HDAC9: variants seen among roughly 807,000 people sequenced by gnomAD.
HDAC9 encodes MEF-2 interacting transcription repressor (MITR) protein.
Under a neutral mutation model 139.4 loss-of-function variants are expected in HDAC9, and 41 were observed. The ratio of observed to expected loss-of-function variants is 0.29; its 90% CI spans 0.23 to 0.38. The LOEUF is 0.38. Ranked by LOEUF, HDAC9 falls within the 10% of genes least tolerant of loss-of-function variation. HDAC9 has a pLI of 1.00. For missense variants in HDAC9, 1,147 were observed against 1,297.0 expected (o/e 0.88, Z 1.78); for synonymous variants, 517 against 476.2 (o/e 1.09, Z -1.12).
At chr7:18,514,141 G>A (rs1320066645) in intron 2 of HDAC9, among the ~76,000 whole-genome samples, 2 of 152,160 alleles carry the variant, frequency 1.3e-5, no homozygotes, top group Admixed American at 6.5e-5. Flanking sequence ...TTTCTGTGGT[G>A]TGTATATGCG....
chr7:18,651,422 T>C (rs1487210461), intron 11 of HDAC9, among the ~76,000 whole-genome samples: 2 of 152,134 alleles, frequency 1.3e-5, no homozygotes, highest in Non-Finnish European at 2.9e-5. Flanking sequence ...TTTTGAGGAA[T>C]TTAGAGAAAC....
intron 1 of HDAC9, among the ~76,000 whole-genome samples, chr7:18,111,572 A>G (rs2128083617): frequency 6.6e-6 from 1 of 152,344 alleles, no homozygotes; most frequent in South Asian, 2.1e-4. Context: ...CATACTGTAT[A>G]CTTTAAATCG....
At chr7:18,382,617 G>A (rs1785539529) in intron 1 of HDAC9, among the ~76,000 whole-genome samples, 1 of 152,172 alleles carries the variant, frequency 6.6e-6, no homozygotes, top group Admixed American at 6.5e-5. Context: ...AAATGAACAA[G>A]AAAATTTCAG....
chr7:18,778,925 G>T (rs193025787), intron 16 of HDAC9, among the ~76,000 whole-genome samples: 2 of 152,220 alleles, frequency 1.3e-5, no homozygotes, highest in Admixed American at 1.3e-4. Context: ...GAGATGGTTT[G>T]TGGTAGAGCA....
In HDAC9 at chr7:18,758,848, G is replaced by A. The variant is rs189866751; in HGVS notation, c.2044-3309G>A. Reference sequence around the variant, plus strand: ...CTGCTCTCTTTCTGTAGAAACATGTGCACTATGTTTGTGGGCTGTTCTCTA... The same window carrying A: ...CTGCTCTCTTTCTGTAGAAACATGTACACTATGTTTGTGGGCTGTTCTCTA... On this transcript the variant is annotated intron_variant, in intron 14 of 25. Transcript: ENST00000686413. Among the ~76,000 whole-genome samples, 114 of 150,876 alleles carry A rather than the reference G, an allele frequency of 7.6e-4. 2 individuals carry two copies. Among genetic ancestry groups the A allele is most frequent in the Admixed American group, 3.5e-3 (53 of 15,116 alleles).
chr7:18,728,130 A>C (rs1019408770), intron 13 of HDAC9, among the ~76,000 whole-genome samples: 5 of 152,104 alleles, frequency 3.3e-5, no homozygotes, highest in African/African-American at 1.2e-4. Context: ...TCCAAAGAGT[A>C]CCCTTTAACC....
chr7:18,743,170 G>C (rs1475256662), intron 13 of HDAC9, among the ~76,000 whole-genome samples: 1 of 151,586 alleles, frequency 6.6e-6, no homozygotes, highest in East Asian at 1.9e-4. Context: ...TTCACTTTTT[G>C]CCAACTTACA....
At chr7:18,348,971 G>A (rs186703757) in intron 1 of HDAC9, among the ~76,000 whole-genome samples, 85 of 152,130 alleles carry the variant, frequency 5.6e-4, no homozygotes, top group Non-Finnish European at 1.0e-3. Flanking sequence ...ATGCTGTGAA[G>A]AACAGAAATT....
intron 1 of HDAC9, among the ~76,000 whole-genome samples, chr7:18,372,078 G>A (rs772403619): frequency 2.0e-5 from 3 of 152,190 alleles, no homozygotes; most frequent in Non-Finnish European, 2.9e-5. Context: ...CATGGAAGCT[G>A]AATGAGCTCA....
intron 13 of HDAC9, among the ~76,000 whole-genome samples, chr7:18,746,989 A>G (rs1584964265): frequency 6.6e-6 from 1 of 152,304 alleles, no homozygotes; most frequent in Middle Eastern, 3.4e-3. Context: ...TTGAAGAGTG[A>G]AAAAAGATTA....
intron 2 of HDAC9, among the ~76,000 whole-genome samples, chr7:18,532,041 G>A (rs1412379580): frequency 6.6e-6 from 1 of 152,162 alleles, no homozygotes. Context: ...CTGAGGTCAG[G>A]AGTTTGAGAC....
Position 18,118,412 on chromosome 7 carries a change from G to A in HDAC9, c.-97+31199G>A, listed in dbSNP as rs1460769701. 4.6e-5 allele frequency among the ~76,000 whole-genome samples: 7 copies of A among 152,136 alleles called. No individual in the cohort carries two copies. In the South Asian group the frequency reaches 1.2e-3, roughly 27 times the overall value. On this transcript the variant is annotated intron_variant, in intron 1 of 12. Transcript: ENST00000417496. Reference sequence around the variant, plus strand: ...AACATGTTGTGTTTGTCTTGGCCATGTCACAGTTTCTTCATGTATAGAACA... The same window carrying A: ...AACATGTTGTGTTTGTCTTGGCCATATCACAGTTTCTTCATGTATAGAACA...
chr7:18,827,219 T>C lies in HDAC9; in HGVS notation c.2323-1942T>C. 1.3e-5 allele frequency among the ~76,000 whole-genome samples: 2 copies of C among 152,076 alleles called. 1 individual carries two copies. Among genetic ancestry groups the C allele is most frequent in the Non-Finnish European group, 2.9e-5 (2 of 68,008 alleles). On this transcript the variant is annotated intron_variant, in intron 17 of 25. Transcript: ENST00000686413. ...AAAAATTTACATGATAAAGTCTTTTTGATTCCACTAAATATTTATAACAAA... is the reference window on the plus strand; with the variant it reads ...AAAAATTTACATGATAAAGTCTTTTCGATTCCACTAAATATTTATAACAAA...
At chr7:18,981,608 C>T (rs1784953843) in intron 25 of HDAC9, among the ~76,000 whole-genome samples, 1 of 152,142 alleles carries the variant, frequency 6.6e-6, no homozygotes, top group Non-Finnish European at 1.5e-5. Context: ...CTTCTTCCAT[C>T]TTTAAAGCCA....
chr7:18,863,968 G>C (rs1798300127), intron 21 of HDAC9, among the ~76,000 whole-genome samples: 1 of 152,134 alleles, frequency 6.6e-6, no homozygotes, highest in Admixed American at 6.5e-5. Context: ...TTCTGATTTC[G>C]ATTCTTTTGG....
chr7:18,780,088 C>T (rs1791115943), intron 16 of HDAC9, among the ~76,000 whole-genome samples: 1 of 152,014 alleles, frequency 6.6e-6, no homozygotes, highest in Non-Finnish European at 1.5e-5. Flanking sequence ...TGAGATTCTG[C>T]ATTTCTCATA....
At chr7:18,862,825 A>G (rs1423113754) in intron 21 of HDAC9, among the ~76,000 whole-genome samples, 1 of 152,218 alleles carries the variant, frequency 6.6e-6, no homozygotes, top group Non-Finnish European at 1.5e-5. Flanking sequence ...AGACAGAAAG[A>G]GAAAAGCTAT....
intron 25 of HDAC9, among the ~76,000 whole-genome samples, chr7:18,995,528 G>C (rs1272917237): frequency 6.6e-6 from 1 of 152,142 alleles, no homozygotes; most frequent in Non-Finnish European, 1.5e-5. Context: ...GCAACAATTT[G>C]CTAATCAAAT....
chr7:18,733,664 A>G (rs1209453861), intron 13 of HDAC9, among the ~76,000 whole-genome samples: 1 of 151,818 alleles, frequency 6.6e-6, no homozygotes, highest in African/African-American at 2.4e-5. Flanking sequence ...CATATTATTT[A>G]TGTGTATCTC....
Sources: allele counts gnomAD v4.1 joint callset (sites outside exome capture counted in the v4.1 genomes callset), GRCh38; gene constraint gnomAD v4.1.1; transcripts MANE v1.5; gene names NCBI Gene and HGNC (gene_info 2026-07-23, HGNC 2026-07-21).